Variants in FIP1L1 observed in about 807,000 individuals in gnomAD.
FIP1L1 encodes pre-mRNA 3'-end-processing factor FIP1.
In FIP1L1, 21 loss-of-function variants were observed where a neutral mutation model predicts 84.6. The ratio of observed to expected loss-of-function variants is 0.25; its 90% confidence interval spans 0.18 to 0.36. The LOEUF is 0.36. FIP1L1 is among the 10% of genes least tolerant of loss of function. The pLI, the probability that FIP1L1 is intolerant of heterozygous loss-of-function variation, is 1.00. For missense variants in FIP1L1, 526 were observed against 751.1 expected, an observed-to-expected ratio of 0.70 and a Z score of 3.50; for synonymous variants, 263 against 242.3, an observed-to-expected ratio of 1.09 and a Z score of -0.80.
At chr4:53,455,001 A>AAG (rs1177476606) in intron 16 of FIP1L1, among the ~76,000 whole-genome samples, 1 of 152,198 alleles carries the variant, frequency 6.6e-6, no homozygotes, top group African/African-American at 2.4e-5. Context: ...CTTTTATGTT[A>AAG]TATAGATAGT....
chr4:53,427,832 A>G (rs539028618), intron 12 of FIP1L1, among the ~76,000 whole-genome samples, 195 bp from the exon 13 acceptor site: 5 of 152,320 alleles, frequency 3.3e-5, no homozygotes, highest in Admixed American at 1.3e-4. Flanking sequence ...TTAAAACTGT[A>G]TGTATGTGTA....
chr4:53,387,771 T>C (rs1741904749), intron 5 of FIP1L1, among the ~76,000 whole-genome samples: 1 of 152,208 alleles, frequency 6.6e-6, no homozygotes, highest in Non-Finnish European at 1.5e-5. Context: ...TTAGAGAAAA[T>C]CCTTGATTTT....
Position 53,460,859 on chromosome 4 carries a change from C to CTT in FIP1L1, c.*1411_*1412dup. 6.6e-7 allele frequency: 1 copy of CTT among 1,517,722 alleles called. No individual in the cohort carries two copies. The allele number at this position is 1,517,722 out of a possible 1,614,324, so 94.0% of individuals were successfully genotyped here. A position where few individuals can be genotyped will look rare whatever the true frequency, so the allele number is the denominator to read the frequency against. ...CAAGATAAATATAGTGTTTCAACTT[C>CTT]TTAGCCTATTTGTGATTTTTCTGTT... On this transcript the variant is annotated 3_prime_UTR_variant, in exon 18 of 18. Transcript: ENST00000337488.
chr4:53,393,440 T>G (rs1190673213), intron 9 of FIP1L1, among the ~76,000 whole-genome samples: 1 of 152,226 alleles, frequency 6.6e-6, no homozygotes, highest in Non-Finnish European at 1.5e-5. Flanking sequence ...ACAAGTAGAA[T>G]AGTACACATG....
At chr4:53,417,377 C>T (rs1254065871) in intron 11 of FIP1L1, among the ~76,000 whole-genome samples, 1 of 152,124 alleles carries the variant, frequency 6.6e-6, no homozygotes, top group Non-Finnish European at 1.5e-5. Flanking sequence ...TGTGGTGGCT[C>T]ATGCCTGTAA....
intron 15 of FIP1L1, among the ~76,000 whole-genome samples, chr4:53,451,615 T>G (rs904386491): frequency 1.5e-4 from 23 of 151,722 alleles, no homozygotes; most frequent in Non-Finnish European, 1.5e-4. Context: ...AATTTATTAT[T>G]CATACTTAAC....
At position 53,377,712 on chromosome 4, in the gene FIP1L1, A is replaced by C; in HGVS notation, c.-127A>C. 2.5e-6 allele frequency: 2 copies of C among 798,398 alleles called. No individual in the cohort carries two copies. Among genetic ancestry groups the C allele is most frequent in the Non-Finnish European group, 3.7e-6 (2 of 534,028 alleles). 49.5% of individuals were successfully genotyped at this position (798,398 alleles called of 1,614,324 possible). A position where few individuals can be genotyped will look rare whatever the true frequency, so the allele number is the denominator to read the frequency against. On this transcript the variant is annotated 5_prime_UTR_variant, in exon 1 of 18. Coordinates refer to ENST00000337488, the MANE Select transcript of FIP1L1 (RefSeq NM_030917.4). ...GCTGCCGTCGCCTTCCTGGGATTGG[A>C]GTCTCGAGCTTTCTTCGTTCGTTCG...
intron 10 of FIP1L1, among the ~76,000 whole-genome samples, chr4:53,411,050 T>C (rs1464725875): frequency 6.6e-6 from 1 of 152,184 alleles, no homozygotes; most frequent in Non-Finnish European, 1.5e-5. Context: ...TTGTCGCTGC[T>C]TTTTGGGTGT....
At position 53,377,812 on chromosome 4, in the gene FIP1L1, C is replaced by T. The variant is rs754963309; in HGVS notation, c.-27C>T. On this transcript the variant is annotated 5_prime_UTR_variant, in exon 1 of 18. Transcript: ENST00000337488. ...GGGGTTGGAGGGGGCTGTTGATCGC[C>T]GCGTTTAAGTTGCGCTCGGGGCGGC... 7 of 1,532,078 alleles carry T rather than the reference C, an allele frequency of 4.6e-6. No homozygotes were observed. Among genetic ancestry groups the T allele is most frequent in the South Asian group, 3.7e-5 (3 of 80,938 alleles). The allele number at this position is 1,532,078 out of a possible 1,614,324, so 94.9% of individuals were successfully genotyped here. A position where few individuals can be genotyped will look rare whatever the true frequency, so the allele number is the denominator to read the frequency against.
rs780476552 is a variant in FIP1L1 at position 53,459,598 on chromosome 4, G to A, written c.*149G>A. The A allele has an allele frequency of 4.5e-5, 50 of 1,108,452 alleles. No homozygotes were observed. Among genetic ancestry groups the A allele is most frequent in the Non-Finnish European group, 6.3e-5 (48 of 759,264 alleles). The allele number at this position is 1,108,452 out of a possible 1,614,324, so 68.7% of individuals were successfully genotyped here. ...AACTTTTTTTCCAAAATAAAAGAGT[G>A]AATTTTTCATGTTAAGTTAAAAATC... is the stretch of plus-strand genomic sequence containing the variant. On this transcript the variant is annotated 3_prime_UTR_variant, in exon 18 of 18. Transcript: ENST00000337488.
chr4:53,426,200 T>G (rs1307606748), intron 12 of FIP1L1, among the ~76,000 whole-genome samples: 1 of 152,114 alleles, frequency 6.6e-6, no homozygotes, highest in Non-Finnish European at 1.5e-5. Context: ...TAGTACAGGT[T>G]GAGTATCTCT....
chr4:53,393,530 C>G (rs1185956067), intron 9 of FIP1L1, among the ~76,000 whole-genome samples: 2 of 151,498 alleles, frequency 1.3e-5, no homozygotes, highest in African/African-American at 4.9e-5. Flanking sequence ...TTATGTACTT[C>G]AATATGAATA....
intron 9 of FIP1L1, among the ~76,000 whole-genome samples, chr4:53,392,705 T>C (rs1339846176): frequency 6.6e-6 from 1 of 152,102 alleles, no homozygotes; most frequent in East Asian, 1.9e-4. Context: ...TTTTTTGTAG[T>C]AGACTTAAAA....
intron 10 of FIP1L1, among the ~76,000 whole-genome samples, 186 bp from the exon 11 acceptor site, chr4:53,414,429 G>T (rs1758525089): frequency 6.6e-6 from 1 of 151,812 alleles, no homozygotes; most frequent in Non-Finnish European, 1.5e-5. Flanking sequence ...TTAAGAAAGT[G>T]TTGATAGCAC....
rs1046659980 is a variant in FIP1L1, at chr4:53,377,785, A to G, written c.-54A>G. The G allele has an allele frequency of 2.8e-6, 4 of 1,445,612 alleles. No individual in the cohort carries two copies. Among genetic ancestry groups the G allele is most frequent in the Non-Finnish European group, 9.2e-7 (1 of 1,083,500 alleles). 89.5% of individuals were successfully genotyped at this position (1,445,612 alleles called of 1,614,324 possible). On this transcript the variant is annotated 5_prime_UTR_variant, in exon 1 of 18. Transcript: ENST00000337488. ...GCGCCTCGGGGCTGCGAGGCTGGGG[A>G]AGGGGTTGGAGGGGGCTGTTGATCG...
At chr4:53,440,436 G>A (rs141663383) in intron 13 of FIP1L1, 10 of 549,506 alleles carry the variant, frequency 1.8e-5, no homozygotes, top group Non-Finnish European at 2.3e-5. Flanking sequence ...AGTCCTCTAC[G>A]AGAAAACAGA....
In FIP1L1 at chr4:53,389,728, G is replaced by A. The variant is rs535187737; in HGVS notation, c.333-81G>A. On this transcript the variant is annotated intron_variant, in intron 5 of 17. Coordinates refer to ENST00000337488, the MANE Select transcript of FIP1L1 (RefSeq NM_030917.4). The stretch of plus-strand genomic sequence containing the variant: ...CATTTACTATGTGATTGTATAATTT[G>A]TTTGTACAAATGGAATATATTACTG... 3.0e-5 allele frequency: 31 copies of A among 1,045,678 alleles called. No homozygotes were observed. The Admixed American group carries it at 5.9e-4, about 20-fold the overall frequency. 64.8% of individuals were successfully genotyped at this position (1,045,678 alleles called of 1,614,324 possible). A position where few individuals can be genotyped will look rare whatever the true frequency, so the allele number is the denominator to read the frequency against.
chr4:53,453,453 A>G (rs1478719233), intron 16 of FIP1L1, among the ~76,000 whole-genome samples: 3 of 152,192 alleles, frequency 2.0e-5, no homozygotes, highest in Admixed American at 6.5e-5. Flanking sequence ...TTAATATTTA[A>G]AAAGAAAATT....
In FIP1L1 at chr4:53,459,657, G is replaced by A; in HGVS notation, c.*208G>A. ...GTACTATTTCAAAAATAAAAAGACAGCAATGACTTTATATCCAAGAAAGGA... is the reference window on the plus strand; with the variant it reads ...GTACTATTTCAAAAATAAAAAGACAACAATGACTTTATATCCAAGAAAGGA... On this transcript the variant is annotated 3_prime_UTR_variant, in exon 18 of 18. Coordinates refer to ENST00000337488, the MANE Select transcript of FIP1L1 (RefSeq NM_030917.4). 1 of 645,788 alleles carries A rather than the reference G, an allele frequency of 1.5e-6. No homozygotes were observed. The highest frequency in any genetic ancestry group is 2.6e-6 in the Non-Finnish European group (1 of 380,948). 40.0% of individuals were successfully genotyped at this position (645,788 alleles called of 1,614,324 possible).
Sources: gnomAD v4.1 joint callset for allele counts (sites outside exome capture counted in the v4.1 genomes callset) on GRCh38, gnomAD v4.1.1 for gene constraint, MANE v1.5 for transcripts, NCBI Gene and HGNC (gene_info 2026-07-23, HGNC 2026-07-21) for gene names.